TMEM200A: variants seen among roughly 807,000 people sequenced by gnomAD.
TMEM200A encodes the protein two transmembrane C.
A neutral mutation model predicts 24.3 loss-of-function variants in TMEM200A; 12 were observed. The observed-to-expected ratio is 0.49, with a 90% CI of 0.32 to 0.80. The LOEUF is 0.80. TMEM200A is among the 30% of genes least tolerant of loss of function. The pLI is 0.04. For missense variants in TMEM200A, 545 were observed against 614.4 expected (o/e 0.89, Z 1.19); for synonymous variants, 224 against 224.4 (o/e 1.00, Z 0.02).
chr6:130,372,562 T>C (rs992636882), intron 1 of TMEM200A, among the ~76,000 whole-genome samples: 2 of 152,078 alleles, frequency 1.3e-5, no homozygotes, highest in Non-Finnish European at 2.9e-5. Flanking sequence ...TAGATACATA[T>C]AGAGAGGGAG....
intron 2 of TMEM200A, among the ~76,000 whole-genome samples, chr6:130,428,948 AATTGT>A (rs541373052): frequency 6.6e-6 from 1 of 152,132 alleles, no homozygotes; most frequent in Non-Finnish European, 1.5e-5. Flanking sequence ...ATACAATACC[AATTGT>A]ATTGTATACC....
At chr6:130,440,286 T>G (rs945341580) in intron 2 of TMEM200A, 121 bp from the exon 3 acceptor site, 1 of 986,922 alleles carries the variant, frequency 1.0e-6, no homozygotes, top group African/African-American at 1.7e-5. Context: ...TCTGCCCCAT[T>G]TAATCACATG....
intron 2 of TMEM200A, among the ~76,000 whole-genome samples, chr6:130,420,073 G>T (rs1047402347): frequency 1.3e-5 from 2 of 152,066 alleles, no homozygotes; most frequent in Non-Finnish European, 2.9e-5. Context: ...CCTCCTAAAG[G>T]CCTCACTTCT....
rs774804582 is a variant in TMEM200A, at chr6:130,441,559, A to T, written c.1137A>T (p.Arg379Ser). 6.2e-7 allele frequency: 1 copy of T among 1,614,040 alleles called. No individual in the cohort carries two copies. The highest frequency in any genetic ancestry group is 1.7e-5 in the Admixed American group (1 of 60,022). ...AGQLLSPGAA[R>S]RQFGSNTSLH... ...AGCTCTTGTCTCCTGGGGCTGCCAGAAGACAGTTTGGGTCCAATACATCCT... is the reference window on the plus strand; with the variant it reads ...AGCTCTTGTCTCCTGGGGCTGCCAGTAGACAGTTTGGGTCCAATACATCCT... The change falls in exon 3 of 3, where the codon AGA becomes AGT. Residue 379 changes from arginine (R) to serine (S), a missense_variant. Physicochemically the swap from Arg to Ser is moderately radical, Grantham distance 110. Coordinates refer to ENST00000296978, the MANE Select transcript of TMEM200A (RefSeq NM_001258277.2).
chr6:130,377,755 C>G (rs932504584), intron 1 of TMEM200A, among the ~76,000 whole-genome samples: 1 of 152,106 alleles, frequency 6.6e-6, no homozygotes, highest in African/African-American at 2.4e-5. Context: ...TAATCTGAAA[C>G]AAAACAAAGT....
intron 2 of TMEM200A, among the ~76,000 whole-genome samples, chr6:130,430,083 A>G (rs993156346): frequency 6.6e-6 from 1 of 152,086 alleles, no homozygotes; most frequent in Admixed American, 6.6e-5. Flanking sequence ...CAAAAATATC[A>G]TAGACTACAT....
intron 2 of TMEM200A, among the ~76,000 whole-genome samples, chr6:130,439,783 A>T (rs1372602599): frequency 6.6e-6 from 1 of 152,122 alleles, no homozygotes; most frequent in African/African-American, 2.4e-5. Flanking sequence ...GAGAGTGTGG[A>T]GAAAGGAGGG....
chr6:130,420,350 C>T (rs1464904967), intron 2 of TMEM200A, among the ~76,000 whole-genome samples: 2 of 152,112 alleles, frequency 1.3e-5, no homozygotes, highest in African/African-American at 2.4e-5. Context: ...TGTGATTTGG[C>T]CAGTCCCTCT....
At chr6:130,396,860 T>C (rs1043721163) in intron 2 of TMEM200A, among the ~76,000 whole-genome samples, 1 of 152,072 alleles carries the variant, frequency 6.6e-6, no homozygotes, top group African/African-American at 2.4e-5. Flanking sequence ...GAAGGTACTG[T>C]TGGAGGCTTC....
At chr6:130,401,288 T>A (rs987945713) in intron 2 of TMEM200A, among the ~76,000 whole-genome samples, 1 of 151,940 alleles carries the variant, frequency 6.6e-6, no homozygotes, top group Non-Finnish European at 1.5e-5. Context: ...CTCATAGTAT[T>A]CCATTGTTCA....
At chr6:130,414,392 G>A in intron 2 of TMEM200A, among the ~76,000 whole-genome samples, 3 of 142,590 alleles carry the variant, frequency 2.1e-5, no homozygotes, top group Admixed American at 7.3e-5. Context: ...AGATCGCGCT[G>A]CTGCACTCCA....
chr6:130,381,702 G>T (rs867783881), intron 1 of TMEM200A, among the ~76,000 whole-genome samples: 2 of 152,310 alleles, frequency 1.3e-5, no homozygotes, highest in South Asian at 4.1e-4. Context: ...GATGATGGGA[G>T]GCTACCTCTT....
intron 1 of TMEM200A, among the ~76,000 whole-genome samples, chr6:130,378,819 T>A (rs756778584): frequency 5.3e-5 from 8 of 152,226 alleles, no homozygotes; most frequent in Admixed American, 2.0e-4. Flanking sequence ...TATTAGTTTA[T>A]TTCATGCTGC....
intron 2 of TMEM200A, among the ~76,000 whole-genome samples, chr6:130,430,613 A>G (rs186995054): frequency 7.7e-4 from 117 of 152,196 alleles, no homozygotes; most frequent in African/African-American, 2.6e-3. Flanking sequence ...GGTTTCATCC[A>G]TGGGGTTTCT....
At chr6:130,410,598 T>A (rs975468345) in intron 2 of TMEM200A, among the ~76,000 whole-genome samples, 1 of 152,314 alleles carries the variant, frequency 6.6e-6, no homozygotes, top group East Asian at 1.9e-4. Flanking sequence ...TTAGAACCCA[T>A]GTACAAAAAT....
chr6:130,393,442 A>G (rs1355728288), intron 2 of TMEM200A, among the ~76,000 whole-genome samples: 5 of 152,212 alleles, frequency 3.3e-5, no homozygotes, highest in Admixed American at 3.3e-4. Context: ...TGGGCCAGAA[A>G]TGACCAGTTA....
At chr6:130,392,425 G>GTTCATTCTTGCCCAT (rs1274447653) in intron 2 of TMEM200A, among the ~76,000 whole-genome samples, 1 of 152,210 alleles carries the variant, frequency 6.6e-6, no homozygotes, top group Non-Finnish European at 1.5e-5. Context: ...AGTATGCACA[G>GTTCATTCTTGCCCAT]TTCATTCTTG....
intron 2 of TMEM200A, among the ~76,000 whole-genome samples, chr6:130,421,880 C>T (rs1052892626): frequency 1.3e-5 from 2 of 152,006 alleles, no homozygotes; most frequent in Non-Finnish European, 2.9e-5. Context: ...TTTTTAAAAG[C>T]TAAGTAATGT....
At chr6:130,404,930 A>G (rs1271827563) in intron 2 of TMEM200A, among the ~76,000 whole-genome samples, 1 of 152,008 alleles carries the variant, frequency 6.6e-6, no homozygotes, top group Non-Finnish European at 1.5e-5. Context: ...TCCTTTCCCC[A>G]TTGTTTTTGT....
Sources: allele counts gnomAD v4.1 joint callset (sites outside exome capture counted in the v4.1 genomes callset), GRCh38; gene constraint gnomAD v4.1.1; transcripts MANE v1.5; gene names NCBI Gene and HGNC (gene_info 2026-07-23, HGNC 2026-07-21).